Variants in DIAPH1 observed in about 807,000 individuals in gnomAD.
DIAPH1 encodes the protein diaphanous related formin 1.
Under a neutral mutation model 140.7 loss-of-function variants are expected in DIAPH1, and 46 were observed. The ratio of observed to expected loss-of-function variants is 0.33; its 90% confidence interval spans 0.26 to 0.42. The LOEUF (loss-of-function observed/expected upper bound fraction) is 0.42. Ranked by LOEUF, DIAPH1 falls within the 10% of genes least tolerant of loss-of-function variation. The pLI is 1.00. For missense variants in DIAPH1, 1,310 were observed against 1,558.7 expected, an observed-to-expected ratio of 0.84 and a Z score of 2.69; for synonymous variants, 565 against 551.6, an observed-to-expected ratio of 1.02 and a Z score of -0.34.
intron 9 of DIAPH1, 146 bp downstream of exon 9, chr5:141,578,942 T>G (rs1387505683): frequency 1.3e-6 from 1 of 766,084 alleles, no homozygotes; most frequent in Non-Finnish European, 2.4e-6. Context: ...AGAAAGAAGG[T>G]TAATCATTTT....
At chr5:141,582,443 A>C (rs1344385386) in intron 6 of DIAPH1, 68 bp from the exon 7 acceptor site, 2 of 1,223,264 alleles carry the variant, frequency 1.6e-6, no homozygotes, top group African/African-American at 1.5e-5. Context: ...TTAATCTTGC[A>C]AACAAGGTTC....
intron 26 of DIAPH1, chr5:141,524,452 C>T (rs1169092964): frequency 1.9e-5 from 11 of 580,910 alleles, no homozygotes; most frequent in Middle Eastern, 4.6e-4. Flanking sequence ...GCCTATTATC[C>T]AATGCAGACC....
At chr5:141,606,366 G>A (rs925934654) in intron 1 of DIAPH1, among the ~76,000 whole-genome samples, 10 of 151,940 alleles carry the variant, frequency 6.6e-5, no homozygotes, top group African/African-American at 2.2e-4. Context: ...AATCCCTAAG[G>A]GCACTGAGTC....
At chr5:141,562,819 A>G (rs1193417235) in intron 18 of DIAPH1, among the ~76,000 whole-genome samples, 3 of 152,200 alleles carry the variant, frequency 2.0e-5, no homozygotes, top group Non-Finnish European at 4.4e-5. Context: ...TCCTCAAAAC[A>G]GTGCCTTTTC....
rs551817311 is a variant in DIAPH1, at chr5:141,565,490, C to T, written c.2482+5938G>A. Among the ~76,000 whole-genome samples the T allele has an allele frequency of 9.9e-5, 15 of 152,222 alleles. No individual in the cohort carries two copies. In the East Asian group the frequency reaches 1.7e-3, roughly 18 times the overall value. On this transcript the variant is annotated intron_variant, in intron 18 of 27. Transcript: ENST00000389054. The surrounding 1 kb of genome is among the most constrained non-coding windows in gnomAD (Gnocchi z 4.3). Reference sequence around the variant, plus strand: ...TACATATTTGTTAAAATGATGATAACAAATTAGTCCAGGAACTGGCTTTAG... The same window carrying T: ...TACATATTTGTTAAAATGATGATAATAAATTAGTCCAGGAACTGGCTTTAG...
intron 18 of DIAPH1, among the ~76,000 whole-genome samples, chr5:141,542,154 C>T (rs1194849979): frequency 1.3e-5 from 2 of 152,208 alleles, no homozygotes; most frequent in African/African-American, 2.4e-5. Flanking sequence ...TAACTGTCCA[C>T]CAGGCGCAGT....
chr5:141,618,096 T>G (rs1221476048), intron 1 of DIAPH1, among the ~76,000 whole-genome samples: 1 of 152,238 alleles, frequency 6.6e-6, no homozygotes, highest in Non-Finnish European at 1.5e-5. Context: ...TGAAAAGTGA[T>G]AAGCAACAGG....
intron 1 of DIAPH1, among the ~76,000 whole-genome samples, chr5:141,595,885 T>C (rs563705250): frequency 1.3e-5 from 2 of 152,262 alleles, no homozygotes; most frequent in South Asian, 2.1e-4. Flanking sequence ...AAAAAAAGGC[T>C]TAAAAAAATT....
At position 141,579,216 on chromosome 5, in the gene DIAPH1, C is replaced by T. The variant is rs373532900; in HGVS notation, c.825-20G>A. 53 of 1,593,166 alleles carry T rather than the reference C, an allele frequency of 3.3e-5. No individual in the cohort carries two copies. In the Admixed American group the frequency reaches 5.5e-4, roughly 17 times the overall value. ...TCATTCCTGCCCAAGAGAAAGGAAA[C>T]GGAGAGAACTTTCCAGGTACTGTGA... On this transcript the variant is annotated intron_variant, in intron 8 of 27. Transcript: ENST00000389054.
chr5:141,517,081 A>G, intron 27 of DIAPH1, 73 bp from the exon 28 acceptor site: 1 of 1,571,570 alleles, frequency 6.4e-7, no homozygotes, highest in Non-Finnish European at 8.7e-7. Context: ...TACAGCAGAT[A>G]ATCAGCGTAA....
At chr5:141,536,098 G>C (rs992594645) in intron 18 of DIAPH1, 1 of 440,070 alleles carries the variant, frequency 2.3e-6, no homozygotes, top group African/African-American at 2.0e-5. Flanking sequence ...TCAGGAGTTT[G>C]AGACCAACCT....
At position 141,524,400 on chromosome 5, in the gene DIAPH1, A is replaced by G. The variant is rs2302101; in HGVS notation, c.3575-171T>C. On this transcript the variant is annotated intron_variant, in intron 26 of 27. Transcript: ENST00000389054. ...CCTTAAGTCTCACACGCTCATGTTT[A>G]CTTGTATCTGCTAAAAAATGGTTAA... 1,167 of 681,402 alleles carry G rather than the reference A, an allele frequency of 1.7e-3. 22 individuals carry two copies. In the East Asian group the frequency reaches 0.029, roughly 17 times the overall value. 42.2% of individuals were successfully genotyped at this position (681,402 alleles called of 1,614,324 possible).
intron 12 of DIAPH1, 77 bp downstream of exon 12, chr5:141,577,398 A>C: frequency 9.5e-7 from 1 of 1,050,248 alleles, no homozygotes; most frequent in Non-Finnish European, 1.5e-6. Context: ...CTTTTACAGA[A>C]CAATCTTTGA....
At chr5:141,529,790 A>T (rs1424552396) in intron 19 of DIAPH1, 93 bp from the exon 20 acceptor site, 9 of 1,179,468 alleles carry the variant, frequency 7.6e-6, no homozygotes, top group Non-Finnish European at 1.1e-5. Flanking sequence ...TCTTCCTAAC[A>T]GGGCTCTTTT....
At chr5:141,601,542 A>C (rs2099900140) in intron 1 of DIAPH1, among the ~76,000 whole-genome samples, 1 of 152,170 alleles carries the variant, frequency 6.6e-6, no homozygotes, top group African/African-American at 2.4e-5. Context: ...CATCTGCCTC[A>C]GCCTCCCAAA....
At position 141,526,390 on chromosome 5, in the gene DIAPH1, A is replaced by G; in HGVS notation, c.3345T>C (p.Tyr1115=). 1.9e-6 allele frequency: 3 copies of G among 1,614,156 alleles called. No individual in the cohort carries two copies. In the South Asian group the frequency reaches 3.3e-5, roughly 18 times the overall value. The change falls in exon 25 of 28, where the codon TAT becomes TAC. Residue 1115 remains tyrosine, a synonymous_variant. Coordinates refer to ENST00000389054, the MANE Select transcript of DIAPH1 (RefSeq NM_005219.5). The part of the protein sequence containing the change: ...RMMHSNMETL[Y]KELGEYFLFD... ...AGAGGAAGTACTCGCCCAGCTCCTT[A>G]TAGAGGGTCTCCATGTTAGAATGCA...
chr5:141,591,787 T>TA (rs1295598824), intron 1 of DIAPH1, among the ~76,000 whole-genome samples: 9 of 142,546 alleles, frequency 6.3e-5, no homozygotes, highest in African/African-American at 2.1e-4. Context: ...GATTTTATCT[T>TA]AAAAAAAAAT....
chr5:141,557,666 G>C lies in DIAPH1; in HGVS notation c.2482+13762C>G, dbSNP rs2099892837. 2 of 152,152 alleles carry C rather than the reference G, an allele frequency of 1.3e-5. 1 individual carries two copies. The highest frequency in any genetic ancestry group is 4.1e-4 in the South Asian group (2 of 4,834). The allele number at this position is 152,152 out of a possible 1,614,324, so 9.4% of individuals were successfully genotyped here. ...CACCTAAACCCAGGATTAGAGTCTA[G>C]ATGAGGCAGAGGGGATGCCCTGGCC... On this transcript the variant is annotated intron_variant, in intron 18 of 27. Transcript: ENST00000389054.
intron 18 of DIAPH1, among the ~76,000 whole-genome samples, chr5:141,554,187 G>A (rs995215026): frequency 6.6e-6 from 1 of 152,132 alleles, no homozygotes; most frequent in Non-Finnish European, 1.5e-5. Context: ...TGAGGCAGGA[G>A]AATCGCTTGA....
Sources: gnomAD v4.1 joint callset for allele counts (sites outside exome capture counted in the v4.1 genomes callset) on GRCh38, gnomAD v4.1.1 for gene constraint, Gnocchi (gnomAD v3.1) non-coding constraint, MANE v1.5 for transcripts, NCBI Gene and HGNC (gene_info 2026-07-23, HGNC 2026-07-21) for gene names.